PACRG: variants seen among roughly 807,000 people sequenced by gnomAD.
PACRG encodes parkin coregulated gene protein.
Under a neutral mutation model 29.7 loss-of-function variants are expected in PACRG, and 29 were observed. The observed-to-expected ratio is 0.98, with a 90% CI of 0.73 to 1.33. PACRG has a LOEUF of 1.33. PACRG is among the 40% of genes most tolerant of loss of function. PACRG has a pLI of 0.00. For synonymous variants in PACRG, 116 were observed against 118.7 expected (o/e 0.98, Z 0.15); for missense variants, 279 against 316.2 (o/e 0.88, Z 0.89).
At chr6:162,932,431 A>T (rs1193553665) in intron 2 of PACRG, among the ~76,000 whole-genome samples, 2 of 151,364 alleles carry the variant, frequency 1.3e-5, no homozygotes, top group African/African-American at 2.4e-5. Flanking sequence ...AAAACACACA[A>T]TTTTTTTTTG....
At chr6:163,040,047 T>G (rs905447925) in intron 2 of PACRG, among the ~76,000 whole-genome samples, 1 of 152,092 alleles carries the variant, frequency 6.6e-6, no homozygotes, top group African/African-American at 2.4e-5. Context: ...TCACAGGCCT[T>G]GAGGTCTAGG....
intron 2 of PACRG, among the ~76,000 whole-genome samples, chr6:162,825,933 A>ATTTTAT (rs373165751): frequency 6.6e-6 from 1 of 151,430 alleles, no homozygotes; most frequent in Non-Finnish European, 1.5e-5. Context: ...CTATGCATTT[A>ATTTTAT]TTTATTTTAT....
At chr6:162,888,031 G>A (rs1044664299) in intron 2 of PACRG, among the ~76,000 whole-genome samples, 1 of 152,154 alleles carries the variant, frequency 6.6e-6, no homozygotes, top group African/African-American at 2.4e-5. Flanking sequence ...TTCCAAAGAT[G>A]GTGCCTTGTT....
chr6:162,873,391 C>A (rs1288761443), intron 2 of PACRG, among the ~76,000 whole-genome samples: 1 of 152,122 alleles, frequency 6.6e-6, no homozygotes, highest in African/African-American at 2.4e-5. Context: ...TCTTTCTAAA[C>A]CTTTACTTTC....
intron 4 of PACRG, chr6:163,313,014 C>G (rs1346155321): frequency 9.2e-6 from 2 of 216,310 alleles, no homozygotes; most frequent in African/African-American, 4.8e-5. Context: ...CATCAGCCTC[C>G]CAAAGTGCTG....
At chr6:163,173,154 C>T (rs1034035193) in intron 4 of PACRG, among the ~76,000 whole-genome samples, 1 of 152,176 alleles carries the variant, frequency 6.6e-6, no homozygotes, top group Admixed American at 6.5e-5. Flanking sequence ...ATGGCTATTT[C>T]TGAGGAGGGA....
chr6:162,907,912 C>A (rs1439658726), intron 2 of PACRG, among the ~76,000 whole-genome samples: 1 of 152,086 alleles, frequency 6.6e-6, no homozygotes, highest in Non-Finnish European at 1.5e-5. Context: ...ACACTGCCAT[C>A]TTCAAGGTAT....
At chr6:163,193,461 T>C (rs891587854) in intron 4 of PACRG, among the ~76,000 whole-genome samples, 37 of 152,284 alleles carry the variant, frequency 2.4e-4, no homozygotes, top group African/African-American at 8.7e-4. Flanking sequence ...TCTGATTAAG[T>C]GTGGAAAACT....
intron 4 of PACRG, among the ~76,000 whole-genome samples, chr6:163,283,673 C>T (rs985822672): frequency 7.9e-5 from 12 of 151,668 alleles, no homozygotes; most frequent in African/African-American, 2.7e-4. Context: ...CGGTGGCGGG[C>T]GCCTGTAGTC....
chr6:162,978,143 CAA>C (rs35161525), intron 2 of PACRG, among the ~76,000 whole-genome samples: 30 of 144,374 alleles, frequency 2.1e-4, no homozygotes, highest in African/African-American at 6.3e-4. Context: ...GACTCCATCT[CAA>C]AAAAAAAAAA....
intron 1 of PACRG, among the ~76,000 whole-genome samples, chr6:162,771,978 G>A (rs558070491): frequency 1.3e-5 from 2 of 152,212 alleles, no homozygotes; most frequent in African/African-American, 4.8e-5. Flanking sequence ...ACCAGGAGAA[G>A]GGGAAATCAC....
intron 4 of PACRG, chr6:163,100,795 C>A: frequency 1.0e-6 from 1 of 984,984 alleles, no homozygotes; most frequent in Non-Finnish European, 1.2e-6. Context: ...AGAAGCTTAA[C>A]CATCAATAAA....
chr6:163,134,361 T>C (rs1212668162), intron 4 of PACRG, among the ~76,000 whole-genome samples: 1 of 152,232 alleles, frequency 6.6e-6, no homozygotes, highest in Non-Finnish European at 1.5e-5. Context: ...GTCACACATT[T>C]ACCTTGACCC....
rs568637684 is a variant in PACRG at position 163,243,989 on chromosome 6, T to C, written c.614-70838T>C. 5.3e-5 allele frequency among the ~76,000 whole-genome samples: 8 copies of C among 152,354 alleles called. No individual in the cohort carries two copies. In the East Asian group the frequency reaches 1.5e-3, roughly 29 times the overall value. Reference sequence around the variant, plus strand: ...GCAAGCATTTACTAACATGTGGGCATCTGACAAAGCATTCTTACATTTGTA... The same window carrying C: ...GCAAGCATTTACTAACATGTGGGCACCTGACAAAGCATTCTTACATTTGTA... On this transcript the variant is annotated intron_variant, in intron 4 of 4. Coordinates refer to ENST00000366888, the MANE Select transcript of PACRG (RefSeq NM_001080379.2).
chr6:162,978,905 G>A (rs147760856), intron 2 of PACRG, among the ~76,000 whole-genome samples: 1 of 152,202 alleles, frequency 6.6e-6, no homozygotes, highest in Admixed American at 6.5e-5. Flanking sequence ...TAGAAGAATT[G>A]GATGAAACAC....
intron 4 of PACRG, among the ~76,000 whole-genome samples, chr6:163,213,231 A>G (rs906314194): frequency 6.6e-6 from 1 of 152,102 alleles, no homozygotes; most frequent in Non-Finnish European, 1.5e-5. Context: ...ACAAACCCCA[A>G]TTGAGGGATG....
intron 2 of PACRG, among the ~76,000 whole-genome samples, chr6:162,891,289 G>C (rs1267521704): frequency 6.6e-6 from 1 of 152,190 alleles, no homozygotes; most frequent in African/African-American, 2.4e-5. Context: ...CCTTATCCAA[G>C]TGATCTTGAG....
chr6:163,134,550 T>G (rs565817683), intron 4 of PACRG, among the ~76,000 whole-genome samples: 1 of 152,316 alleles, frequency 6.6e-6, no homozygotes, highest in African/African-American at 2.4e-5. Flanking sequence ...CACTGATGTC[T>G]ACAGCAGCAA....
chr6:163,191,734 C>T, intron 4 of PACRG: 2 of 456,430 alleles, frequency 4.4e-6, no homozygotes, highest in Non-Finnish European at 4.4e-6. Flanking sequence ...CTTCTCCACT[C>T]CCACTCAGAG....
Sources: gnomAD v4.1 joint callset for allele counts (sites outside exome capture counted in the v4.1 genomes callset) on GRCh38, gnomAD v4.1.1 for gene constraint, MANE v1.5 for transcripts, NCBI Gene and HGNC (gene_info 2026-07-23, HGNC 2026-07-21) for gene names.